Variants in RASGEF1B observed in about 807,000 individuals in gnomAD.
RASGEF1B encodes the protein ras-GEF domain-containing family member 1B.
In RASGEF1B, 30 loss-of-function variants were observed where a neutral mutation model predicts 65.7. The observed-to-expected ratio is 0.46, with a 90% CI of 0.34 to 0.62. The LOEUF (loss-of-function observed/expected upper bound fraction) is 0.62. Ranked by LOEUF, RASGEF1B falls within the 20% of genes least tolerant of loss-of-function variation. RASGEF1B has a pLI of 0.01. For missense variants in RASGEF1B, 495 were observed against 580.1 expected, an observed-to-expected ratio of 0.85 and a Z score of 1.51; for synonymous variants, 175 against 194.8, an observed-to-expected ratio of 0.90 and a Z score of 0.85.
At chr4:81,456,089 AT>A in intron 4 of RASGEF1B, 1 of 168,842 alleles carries the variant, frequency 5.9e-6, no homozygotes, top group Middle Eastern at 2.8e-3. Flanking sequence ...GACAGTGAAT[AT>A]TACATGACCA....
intron 10 of RASGEF1B, among the ~76,000 whole-genome samples, chr4:81,437,405 C>T (rs180707379): frequency 1.7e-4 from 26 of 152,252 alleles, no homozygotes; most frequent in Non-Finnish European, 3.1e-4. Flanking sequence ...AATAAGGATA[C>T]ATCATCATAA....
At chr4:81,463,233 CA>C (rs1052169562) in intron 1 of RASGEF1B, among the ~76,000 whole-genome samples, 3 of 152,158 alleles carry the variant, frequency 2.0e-5, no homozygotes, top group Non-Finnish European at 4.4e-5. Flanking sequence ...CAACTGTCAA[CA>C]GCAGTATTTA....
At chr4:81,447,057 A>AT (rs1722052010) in intron 6 of RASGEF1B, among the ~76,000 whole-genome samples, 1 of 152,152 alleles carries the variant, frequency 6.6e-6, no homozygotes, top group Non-Finnish European at 1.5e-5. Flanking sequence ...CTCATGAGAG[A>AT]TTCACCTTAA....
In RASGEF1B at chr4:81,447,484, C is replaced by A. The variant is rs746858079; in HGVS notation, c.729+20G>T. 15 of 1,603,824 alleles carry A rather than the reference C, an allele frequency of 9.4e-6. No individual in the cohort carries two copies. In the South Asian group the frequency reaches 1.3e-4, roughly 14 times the overall value. ...ATCCCATTTTTGGTTTCAGTGCTGA[C>A]CTTTGGGTAGACTGATTACCTTGTC... On this transcript the variant is annotated intron_variant, in intron 6 of 13. Transcript: ENST00000264400.
At chr4:81,445,970 A>C in intron 6 of RASGEF1B, 132 bp from the exon 7 acceptor site, 1 of 654,724 alleles carries the variant, frequency 1.5e-6, no homozygotes, top group Non-Finnish European at 2.6e-6. Flanking sequence ...AGAAAGAGAG[A>C]GAGAAAGACA....
rs1297109793 is a variant in RASGEF1B, at chr4:81,440,836, T to C, written c.1102A>G (p.Lys368Glu). The change falls in exon 10 of 14, where the codon AAG becomes GAG. Residue 368 changes from lysine to glutamate, a missense_variant and splice_region_variant. Physicochemically the swap from Lys to Glu is moderately conservative, Grantham distance 56. Transcript: ENST00000264400. ...AAGATACTTCTTTAAGTGCATACCTTTTCTCTACTACTATGAGCAGTTAAA... is the reference window on the plus strand; with the variant it reads ...AAGATACTTCTTTAAGTGCATACCTCTTCTCTACTACTATGAGCAGTTAAA... ...RSLTAHSSRE[K>E]IVIPFFSLLI... 1 of 1,594,738 alleles carries C rather than the reference T, an allele frequency of 6.3e-7. No individual in the cohort carries two copies. The highest frequency in any genetic ancestry group is 1.7e-5 in the Admixed American group (1 of 59,530).
At chr4:81,444,265 A>G (rs1370859999) in intron 8 of RASGEF1B, among the ~76,000 whole-genome samples, 1 of 152,180 alleles carries the variant, frequency 6.6e-6, no homozygotes, top group African/African-American at 2.4e-5. Flanking sequence ...TAGAAGAGGC[A>G]AATTAAGTAA....
chr4:81,470,746 G>A (rs1195141070), intron 1 of RASGEF1B, among the ~76,000 whole-genome samples: 1 of 152,078 alleles, frequency 6.6e-6, no homozygotes, highest in Non-Finnish European at 1.5e-5. Context: ...AGAGAAAATC[G>A]CCGTCTAGAC....
chr4:81,437,196 T>C (rs1226292135), intron 10 of RASGEF1B, among the ~76,000 whole-genome samples: 1 of 152,240 alleles, frequency 6.6e-6, no homozygotes, highest in African/African-American at 2.4e-5. Context: ...GGCCTCTTTT[T>C]TATTGCCTAG....
chr4:81,461,822 A>C (rs1306366347), intron 1 of RASGEF1B, among the ~76,000 whole-genome samples: 1 of 152,158 alleles, frequency 6.6e-6, no homozygotes, highest in East Asian at 1.9e-4. Context: ...CTGAGACCCA[A>C]GGGGGTAAGG....
intron 1 of RASGEF1B, among the ~76,000 whole-genome samples, chr4:81,460,903 C>A (rs561364566): frequency 6.6e-6 from 1 of 152,112 alleles, no homozygotes; most frequent in Admixed American, 6.5e-5. Context: ...GACTGAGAAC[C>A]ACTCTATTCA....
intron 13 of RASGEF1B, among the ~76,000 whole-genome samples, chr4:81,429,293 T>A (rs764161089): frequency 6.6e-6 from 1 of 152,356 alleles, no homozygotes; most frequent in East Asian, 1.9e-4. Context: ...GTGTGTGGCT[T>A]GAACACCAAC....
Position 81,445,635 on chromosome 4 carries a change from A to G in RASGEF1B, c.826-7T>C. 1 of 1,608,638 alleles carries G rather than the reference A, an allele frequency of 6.2e-7. No homozygotes were observed. The highest frequency in any genetic ancestry group is 1.1e-5 in the South Asian group (1 of 90,898). On this transcript the variant is annotated splice_region_variant and splice_polypyrimidine_tract_variant and intron_variant, in intron 7 of 13. Transcript: ENST00000264400. ...GGTGTTTTTTCTTAACAGGCTACAC[A>G]GTAAAAGACAATAGAGGGCAGTTAT...
rs541094712 is a variant in RASGEF1B at position 81,463,625 on chromosome 4, G to A, written c.-6-4111C>T. Among the ~76,000 whole-genome samples the A allele has an allele frequency of 1.1e-3, 166 of 152,300 alleles. 1 individual carries two copies. The highest frequency in any genetic ancestry group is 2.9e-3 in the Admixed American group (45 of 15,308). On this transcript the variant is annotated intron_variant, in intron 1 of 13. Coordinates refer to ENST00000264400, the MANE Select transcript of RASGEF1B (RefSeq NM_152545.3). ...GTTTTCGGAAGGATCAACTGCCTGT[G>A]TAATAGAAGCGTTTTATAATCACAA...
At chr4:81,443,805 G>A (rs1430035485) in intron 8 of RASGEF1B, among the ~76,000 whole-genome samples, 1 of 152,160 alleles carries the variant, frequency 6.6e-6, no homozygotes, top group Non-Finnish European at 1.5e-5. Flanking sequence ...TGCAATCTCT[G>A]CATTGCAGGG....
intron 1 of RASGEF1B, chr4:81,470,910 G>C (rs1240734272): frequency 2.0e-5 from 3 of 152,388 alleles, no homozygotes; most frequent in Non-Finnish European, 4.4e-5. Context: ...AAAGGCGCGC[G>C]CACCCCAGCC....
intron 8 of RASGEF1B, 78 bp from the exon 9 acceptor site, chr4:81,442,454 TA>T: frequency 1.2e-6 from 1 of 801,842 alleles, no homozygotes; most frequent in Non-Finnish European, 2.1e-6. Context: ...CACATACTTC[TA>T]AAATACTTTC....
At chr4:81,453,126 A>G (rs1722323696) in intron 4 of RASGEF1B, 1 of 152,130 alleles carries the variant, frequency 6.6e-6, no homozygotes. Context: ...TCATTCATTG[A>G]TTGACTCATT....
At chr4:81,459,832 G>A (rs1480525674) in intron 1 of RASGEF1B, among the ~76,000 whole-genome samples, 1 of 152,202 alleles carries the variant, frequency 6.6e-6, no homozygotes, top group Non-Finnish European at 1.5e-5. Context: ...GATTGTGAAA[G>A]GGGCAAGGGA....
Sources: gnomAD v4.1 joint callset for allele counts (sites outside exome capture counted in the v4.1 genomes callset) on GRCh38, gnomAD v4.1.1 for gene constraint, MANE v1.5 for transcripts, NCBI Gene and HGNC (gene_info 2026-07-23, HGNC 2026-07-21) for gene names.